Variants in HS6ST3 observed in about 807,000 individuals in gnomAD.
The protein encoded by HS6ST3 is heparan sulfate 6-O-sulfotransferase 3, also known as heparan-sulfate 6-O-sulfotransferase 3.
In HS6ST3, 12 loss-of-function variants were observed where a neutral mutation model predicts 36.7. The ratio of observed to expected loss-of-function variants is 0.33; its 90% CI spans 0.21 to 0.53. The LOEUF is 0.53. HS6ST3 is among the 20% of genes least tolerant of loss of function. HS6ST3 has a pLI of 0.95. For synonymous variants in HS6ST3, 240 were observed against 257.5 expected (o/e 0.93, Z 0.65); for missense variants, 584 against 640.9 (o/e 0.91, Z 0.96).
chr13:96,491,492 A>T (rs944682286), intron 1 of HS6ST3, among the ~76,000 whole-genome samples: 2 of 144,284 alleles, frequency 1.4e-5, no homozygotes, highest in Non-Finnish European at 3.1e-5. Context: ...AAAAAAAAAT[A>T]CCCAGAACAG....
chr13:96,551,803 C>T (rs1460212718), intron 1 of HS6ST3, among the ~76,000 whole-genome samples: 1 of 152,194 alleles, frequency 6.6e-6, no homozygotes, highest in Non-Finnish European at 1.5e-5. Flanking sequence ...TACTTTCTCA[C>T]TTGAGGAAAT....
intron 1 of HS6ST3, among the ~76,000 whole-genome samples, chr13:96,799,982 GTATATATATATATA>G (rs796234757): frequency 4.8e-5 from 4 of 82,582 alleles, no homozygotes; most frequent in African/African-American, 1.4e-4. Context: ...ATATATATAT[GTATATATATATATA>G]TGTATATATA....
At chr13:96,427,535 A>G (rs563115836) in intron 1 of HS6ST3, among the ~76,000 whole-genome samples, 47 of 151,918 alleles carry the variant, frequency 3.1e-4, no homozygotes, top group African/African-American at 1.1e-3. Context: ...CTTTTATAAT[A>G]CATTATTTAT....
chr13:96,609,062 C>T (rs946671228), intron 1 of HS6ST3, among the ~76,000 whole-genome samples: 2 of 152,062 alleles, frequency 1.3e-5, no homozygotes, highest in Non-Finnish European at 2.9e-5. Context: ...CTCCACCTCC[C>T]GGGTTCATGC....
chr13:96,767,081 T>C (rs16953560), intron 1 of HS6ST3, among the ~76,000 whole-genome samples: 2,974 of 152,338 alleles, frequency 0.02, 95 homozygotes, highest in African/African-American at 0.067. Context: ...AACTGTTAAC[T>C]GTCAGACTAC....
intron 1 of HS6ST3, among the ~76,000 whole-genome samples, chr13:96,313,619 T>G (rs375080570): frequency 4.6e-5 from 7 of 152,316 alleles, no homozygotes; most frequent in South Asian, 2.1e-4. Flanking sequence ...TCATCCCAAG[T>G]CTACTACAAA....
At chr13:96,355,386 CACACACACACACACACAA>C (rs1239937583) in intron 1 of HS6ST3, among the ~76,000 whole-genome samples, 1,547 of 148,758 alleles carry the variant, frequency 0.01, 27 homozygotes, top group African/African-American at 0.037. Flanking sequence ...CACACACACA[CACACACACACACACACAA>C]ACACACAAAC....
chr13:96,734,876 A>G (rs1169572120), intron 1 of HS6ST3, among the ~76,000 whole-genome samples: 2 of 152,026 alleles, frequency 1.3e-5, no homozygotes, highest in Non-Finnish European at 2.9e-5. Context: ...GCTTCTACTA[A>G]TGGGTATTTT....
At chr13:96,376,933 T>C (rs868756802) in intron 1 of HS6ST3, among the ~76,000 whole-genome samples, 17 of 152,006 alleles carry the variant, frequency 1.1e-4, no homozygotes, top group African/African-American at 3.6e-4. Flanking sequence ...CTGGGCAACA[T>C]AGCAAGACCT....
intron 1 of HS6ST3, among the ~76,000 whole-genome samples, chr13:96,561,953 G>A (rs144449497): frequency 3.3e-5 from 5 of 152,320 alleles, no homozygotes; most frequent in African/African-American, 1.2e-4. Context: ...TTCAGTCACT[G>A]TGAAAAACAG....
intron 1 of HS6ST3, among the ~76,000 whole-genome samples, chr13:96,247,571 A>G (rs1049977814): frequency 3.0e-4 from 46 of 152,098 alleles, no homozygotes; most frequent in African/African-American, 1.1e-3. Flanking sequence ...TCCCTCAGCC[A>G]TGTGGAACTG....
intron 1 of HS6ST3, among the ~76,000 whole-genome samples, chr13:96,480,362 C>T (rs567392855): frequency 6.6e-6 from 1 of 152,126 alleles, no homozygotes; most frequent in Non-Finnish European, 1.5e-5. Context: ...GATCTGCCCG[C>T]CTCGACCTTC....
At chr13:96,444,289 C>A (rs934015583) in intron 1 of HS6ST3, among the ~76,000 whole-genome samples, 2 of 152,156 alleles carry the variant, frequency 1.3e-5, no homozygotes, top group African/African-American at 4.8e-5. Context: ...ACAGTAAGAC[C>A]TTATGGCTTC....
chr13:96,675,366 AATAT>A (rs1368670462), intron 1 of HS6ST3, among the ~76,000 whole-genome samples: 1 of 152,112 alleles, frequency 6.6e-6, no homozygotes, highest in Non-Finnish European at 1.5e-5. Flanking sequence ...GTTACATTTA[AATAT>A]ATATTTATGT....
At chr13:96,486,981 G>T (rs1453883584) in intron 1 of HS6ST3, among the ~76,000 whole-genome samples, 1 of 152,094 alleles carries the variant, frequency 6.6e-6, no homozygotes, top group Middle Eastern at 3.2e-3. Context: ...GGCTGACTGG[G>T]AACTCGAAGA....
intron 1 of HS6ST3, among the ~76,000 whole-genome samples, chr13:96,660,472 A>G (rs1008392535): frequency 2.6e-5 from 4 of 152,180 alleles, no homozygotes; most frequent in Non-Finnish European, 5.9e-5. Flanking sequence ...CTGCATATCC[A>G]TGTGCAAAAG....
At chr13:96,354,545 GAT>G (rs1415031239) in intron 1 of HS6ST3, among the ~76,000 whole-genome samples, 1 of 152,012 alleles carries the variant, frequency 6.6e-6, no homozygotes, top group Non-Finnish European at 1.5e-5. Flanking sequence ...TTGTTTTTAT[GAT>G]ATATGATATG....
chr13:96,801,874 AT>A (rs778254364), intron 1 of HS6ST3, among the ~76,000 whole-genome samples: 5 of 152,076 alleles, frequency 3.3e-5, no homozygotes, highest in Non-Finnish European at 7.4e-5. Context: ...TCATAATGGG[AT>A]TTATCATCTC....
At chr13:96,124,499 A>G (rs9562032) in intron 1 of HS6ST3, among the ~76,000 whole-genome samples, 61,166 of 152,068 alleles carry the variant, frequency 0.4, 12,533 homozygotes, top group Middle Eastern at 0.45. Context: ...ATAAGTAGAT[A>G]TTGTTTTATT....
Sources: allele counts gnomAD v4.1 joint callset (sites outside exome capture counted in the v4.1 genomes callset), GRCh38; gene constraint gnomAD v4.1.1; transcripts MANE v1.5; gene names NCBI Gene and HGNC (gene_info 2026-07-23, HGNC 2026-07-21).